Variants in EFHC2 observed in about 807,000 individuals in gnomAD.
EFHC2 encodes EF-hand domain containing 2, also known as EF-hand domain-containing family member C2.
In EFHC2, 18 loss-of-function variants were observed where a neutral mutation model predicts 52.7. That is an observed-to-expected ratio of 0.34 (90% CI 0.24 to 0.51). The LOEUF (loss-of-function observed/expected upper bound fraction) is 0.51, where lower values mean the gene tolerates loss of function less well. Ranked by LOEUF, EFHC2 falls within the 20% of genes least tolerant of loss-of-function variation. EFHC2 has a pLI of 0.97. For synonymous variants in EFHC2, 203 were observed against 204.1 expected, an observed-to-expected ratio of 0.99 and a Z score of 0.04; for missense variants, 513 against 562.5, an observed-to-expected ratio of 0.91 and a Z score of 0.89.
At chrX:44,314,883 C>G (rs981751454) in intron 1 of EFHC2, among the ~76,000 whole-genome samples, 6 of 111,212 alleles carry the variant, frequency 5.4e-5, no homozygotes, top group South Asian at 7.6e-4. Context: ...TAAGACTCAG[C>G]CCCTGCCCTG....
intron 14 of EFHC2, among the ~76,000 whole-genome samples, chrX:44,149,224 C>A (rs1218331670): frequency 8.9e-6 from 1 of 112,036 alleles, no homozygotes; most frequent in African/African-American, 3.2e-5. Flanking sequence ...GAGGCTCTAG[C>A]GTGCTGGCAT....
At chrX:44,243,342 A>G (rs2037374498) in intron 7 of EFHC2, among the ~76,000 whole-genome samples, 1 of 112,428 alleles carries the variant, frequency 8.9e-6, no homozygotes, top group Non-Finnish European at 1.9e-5. Flanking sequence ...TCAATCCTGT[A>G]TGAAAGGAGT....
At chrX:44,308,933 C>A (rs1380135667) in intron 2 of EFHC2, among the ~76,000 whole-genome samples, 2 of 112,382 alleles carry the variant, frequency 1.8e-5, no homozygotes, top group Non-Finnish European at 3.8e-5. Flanking sequence ...TTGTAAAGTG[C>A]CAGTTTTATA....
intron 1 of EFHC2, among the ~76,000 whole-genome samples, chrX:44,338,381 G>A (rs1476539080): frequency 1.8e-5 from 2 of 110,116 alleles, no homozygotes; most frequent in African/African-American, 3.3e-5. Flanking sequence ...CATGTCTGTA[G>A]TCCTAGCTAC....
At chrX:44,164,582 G>A (rs2036682273) in intron 13 of EFHC2, among the ~76,000 whole-genome samples, 1 of 111,727 alleles carries the variant, frequency 9.0e-6, no homozygotes, top group South Asian at 3.7e-4. Flanking sequence ...CTTGATACAC[G>A]GTTAAGTAGA....
intron 11 of EFHC2, among the ~76,000 whole-genome samples, chrX:44,210,538 C>A (rs1438514402): frequency 8.9e-6 from 1 of 112,240 alleles, no homozygotes; most frequent in African/African-American, 3.2e-5. Flanking sequence ...CCTACATGGA[C>A]AACTGATTTT....
intron 2 of EFHC2, among the ~76,000 whole-genome samples, chrX:44,308,673 A>G (rs190553230): frequency 1.8e-5 from 2 of 112,177 alleles, no homozygotes; most frequent in African/African-American, 6.5e-5. Flanking sequence ...CCTGTCTTCT[A>G]TCTGGCACCA....
intron 13 of EFHC2, among the ~76,000 whole-genome samples, chrX:44,170,039 T>C (rs2036732006): frequency 8.9e-6 from 1 of 111,740 alleles, no homozygotes; most frequent in South Asian, 3.8e-4. Flanking sequence ...GGCCAGAGAC[T>C]GCTGTTGTTG....
intron 11 of EFHC2, among the ~76,000 whole-genome samples, chrX:44,192,939 G>A (rs2036933964): frequency 9.1e-6 from 1 of 110,167 alleles, no homozygotes; most frequent in Non-Finnish European, 1.9e-5. Context: ...CTCAACCAAG[G>A]GCATTCCAAA....
chrX:44,287,199 T>A (rs1015189836), intron 2 of EFHC2, among the ~76,000 whole-genome samples: 5 of 110,308 alleles, frequency 4.5e-5, no homozygotes, highest in Admixed American at 2.9e-4. Flanking sequence ...TAAAAAAAAA[T>A]TTTTTAAATA....
intron 1 of EFHC2, among the ~76,000 whole-genome samples, chrX:44,341,687 G>A (rs112835920): frequency 0.046 from 5,146 of 112,043 alleles, 301 homozygotes; most frequent in African/African-American, 0.16. Context: ...TGGGCTCAAG[G>A]GATCCTCCCA....
intron 3 of EFHC2, among the ~76,000 whole-genome samples, chrX:44,262,512 C>CAAAAAAAAAAAAAAAAAAAAAAA (rs749239313): frequency 1.7e-4 from 5 of 29,148 alleles, no homozygotes; most frequent in East Asian, 1.4e-3. Flanking sequence ...AGCCCTGTCT[C>CAAAAAAAAAAAAAAAAAAAAAAA]AAAAAAAAAA....
Position 44,320,212 on chromosome X carries a change from T to G in EFHC2, c.43-7456A>C, listed in dbSNP as rs1037365541. ...CCCACCCTGGCCTCCCAAAGTGCTG[T>G]GATTACGGGCATGAGCCACTGCAAC... On this transcript the variant is annotated intron_variant, in intron 1 of 14. Transcript: ENST00000420999. Among the ~76,000 whole-genome samples the G allele has an allele frequency of 5.3e-5, 6 of 112,162 alleles. No individual in the cohort carries two copies. In the Admixed American group the frequency reaches 5.7e-4, roughly 11 times the overall value.
At chrX:44,274,123 G>A (rs758327742) in intron 2 of EFHC2, among the ~76,000 whole-genome samples, 1 of 112,256 alleles carries the variant, frequency 8.9e-6, no homozygotes, top group South Asian at 3.7e-4. Flanking sequence ...TGAAATGATT[G>A]TATTCAAAAT....
intron 11 of EFHC2, among the ~76,000 whole-genome samples, chrX:44,228,078 T>C (rs1304877602): frequency 1.8e-5 from 2 of 112,410 alleles, no homozygotes; most frequent in African/African-American, 6.5e-5. Flanking sequence ...GTGAGGACAA[T>C]GGCAAGCCAC....
In EFHC2 at chrX:44,342,640, A is replaced by G. The variant is rs778994210; in HGVS notation, c.42+907T>C. Among the ~76,000 whole-genome samples the G allele has an allele frequency of 1.4e-3, 155 of 110,416 alleles. 1 individual carries two copies. The highest frequency in any genetic ancestry group is 3.7e-3 in the African/African-American group (111 of 30,290). ...GCCTGTAATCCCAGCACTTTGGGAG[A>G]CCGAGGCGGGCAGATCACTTGAGGT... On this transcript the variant is annotated intron_variant, in intron 1 of 14. Transcript: ENST00000420999.
At chrX:44,164,573 T>C (rs1360257632) in intron 13 of EFHC2, among the ~76,000 whole-genome samples, 1 of 112,156 alleles carries the variant, frequency 8.9e-6, no homozygotes, top group Non-Finnish European at 1.9e-5. Flanking sequence ...AAATATGTTC[T>C]TGATACACGG....
At chrX:44,161,509 GGAA>G (rs746795313) in intron 14 of EFHC2, among the ~76,000 whole-genome samples, 17 of 111,505 alleles carry the variant, frequency 1.5e-4, no homozygotes, top group African/African-American at 5.2e-4. Flanking sequence ...CTGGCAGGGA[GGAA>G]GAAGATTTCT....
At position 44,272,817 on chromosome X, in the gene EFHC2, T is replaced by C. The variant is rs374082839; in HGVS notation, c.251A>G (p.Tyr84Cys). Reference sequence around the variant, plus strand: ...TTTATCAAGTACTTCCTCTTCCAAATAGGCATCAAAAGATAATACCTGTTG... The same window carrying C: ...TTTATCAAGTACTTCCTCTTCCAAACAGGCATCAAAAGATAATACCTGTTG... ...FDKQVLSFDA[Y>C]LEEEVLDKSQ... Residue 84 changes from tyrosine to cysteine, a missense_variant, in exon 3 of 15, where the codon TAT (tyrosine) becomes TGT (cysteine). Tyr to Cys is a radical substitution (Grantham distance 194). Coordinates refer to ENST00000420999, the MANE Select transcript of EFHC2 (RefSeq NM_025184.4). The C allele has an allele frequency of 1.0e-5, 12 of 1,160,820 alleles. No individual in the cohort carries two copies. Among genetic ancestry groups the C allele is most frequent in the Middle Eastern group, 4.8e-4 (2 of 4,153 alleles).
Sources: gnomAD v4.1 joint callset for allele counts (sites outside exome capture counted in the v4.1 genomes callset) on GRCh38, gnomAD v4.1.1 for gene constraint, MANE v1.5 for transcripts, NCBI Gene and HGNC (gene_info 2026-07-23, HGNC 2026-07-21) for gene names.